The following STAM2 variants were observed in gnomAD, a reference collection of about 807,000 sequenced individuals.
STAM2 encodes the protein signal transducing adapter molecule 2.
In STAM2, 51 loss-of-function variants were observed where a neutral mutation model predicts 65.6. That is an observed-to-expected ratio of 0.78 (90% CI 0.62 to 0.98). The LOEUF (loss-of-function observed/expected upper bound fraction) is 0.98, where lower values mean the gene tolerates loss of function less well. STAM2 is among the 50% of genes least tolerant of loss of function. The pLI is 0.00. For missense variants in STAM2, 584 were observed against 617.8 expected (o/e 0.95, Z 0.58); for synonymous variants, 198 against 208.4 (o/e 0.95, Z 0.43).
At chr2:152,128,502 C>T (rs995430576) in intron 11 of STAM2, among the ~76,000 whole-genome samples, 2 of 151,834 alleles carry the variant, frequency 1.3e-5, no homozygotes, top group East Asian at 1.9e-4. Context: ...AAAATGTAAC[C>T]GTAGGAATTT....
At chr2:152,121,374 C>T (rs923134303) in intron 13 of STAM2, among the ~76,000 whole-genome samples, 1 of 152,166 alleles carries the variant, frequency 6.6e-6, no homozygotes, top group African/African-American at 2.4e-5. Flanking sequence ...TCCAGAATCT[C>T]TAACTAAAAA....
intron 1 of STAM2, among the ~76,000 whole-genome samples, chr2:152,155,834 T>C (rs1689532317): frequency 6.6e-6 from 1 of 152,250 alleles, no homozygotes; most frequent in Non-Finnish European, 1.5e-5. Flanking sequence ...GAACTTCATT[T>C]AGTGTATCTG....
At chr2:152,123,407 C>A (rs1688898140) in intron 13 of STAM2, among the ~76,000 whole-genome samples, 1 of 152,052 alleles carries the variant, frequency 6.6e-6, no homozygotes, top group East Asian at 1.9e-4. Flanking sequence ...ACTACAAATT[C>A]CACAGTTCAA....
Position 152,150,149 on chromosome 2 carries a change from T to C in STAM2, c.121A>G (p.Asn41Asp), listed in dbSNP as rs770379681. 9.3e-6 allele frequency: 15 copies of C among 1,606,508 alleles called. No homozygotes were observed. Among genetic ancestry groups the C allele is most frequent in the Admixed American group, 5.0e-5 (3 of 59,960 alleles). The change falls in exon 2 of 14, where the codon AAT (asparagine) becomes GAT (aspartate). Residue 41 changes from asparagine to aspartate, a missense_variant. Coordinates refer to ENST00000263904, the MANE Select transcript of STAM2 (RefSeq NM_005843.6). ...DICDKVGSTPNGAKDCLKAIM... is the reference protein window; with the variant it reads ...DICDKVGSTPDGAKDCLKAIM... ...GAGCATGACTGGACATCTTACCCAT[T>C]AGGAGTACTTCCAACTTTGTCACAT...
rs1227784175 is a variant in STAM2, at chr2:152,133,348, T to C, written c.882+54A>G. 1.9e-5 allele frequency: 29 copies of C among 1,541,324 alleles called. No homozygotes were observed. In the East Asian group the frequency reaches 5.6e-4, roughly 30 times the overall value. ...TACTCTTTCCAAGCATTCTCAAAGA[T>C]AGTACATTTAAATGTCTTGATAGTT... On this transcript the variant is annotated intron_variant, in intron 9 of 13. Transcript: ENST00000263904.
intron 8 of STAM2, 129 bp from the exon 9 acceptor site, chr2:152,133,613 A>C: frequency 1.5e-6 from 1 of 654,136 alleles, no homozygotes; most frequent in Non-Finnish European, 2.6e-6. Context: ...ACCACATTTT[A>C]TAATCAATAT....
intron 1 of STAM2, among the ~76,000 whole-genome samples, chr2:152,154,496 T>C (rs1315787391): frequency 6.6e-6 from 1 of 152,158 alleles, no homozygotes; most frequent in Non-Finnish European, 1.5e-5. Flanking sequence ...CACGCGCCTG[T>C]AGTCCCAGCT....
rs779336557 is a variant in STAM2 at position 152,175,591 on chromosome 2, C to T, written c.40+12G>A. The T allele has an allele frequency of 1.3e-5, 21 of 1,613,962 alleles. No individual in the cohort carries two copies. Among genetic ancestry groups the T allele is most frequent in the Non-Finnish European group, 1.6e-5 (19 of 1,179,974 alleles). ...AGGCACACAGCAGTCCAGGACCGGG[C>T]ACAGCACTCACCCACGTCTTGCTCG... On this transcript the variant is annotated intron_variant, in intron 1 of 13. Transcript: ENST00000263904.
In STAM2 at chr2:152,165,144, G is replaced by A. The variant is rs923120673; in HGVS notation, c.40+10459C>T. Among the ~76,000 whole-genome samples the A allele has an allele frequency of 9.9e-5, 15 of 152,186 alleles. No homozygotes were observed. In the South Asian group the frequency reaches 2.5e-3, roughly 25 times the overall value. ...GGCTGGGATAAAGGAAAAATGAGTC[G>A]GTCGGGCGCGGTGGCTCATGCCTGC... On this transcript the variant is annotated intron_variant, in intron 1 of 13. Transcript: ENST00000263904.
At chr2:152,153,805 C>T (rs1324546142) in intron 1 of STAM2, among the ~76,000 whole-genome samples, 1 of 151,778 alleles carries the variant, frequency 6.6e-6, no homozygotes, top group Non-Finnish European at 1.5e-5. Flanking sequence ...GAAGTACAGA[C>T]AAGGAAAAAC....
intron 1 of STAM2, 91 bp from the exon 2 acceptor site, chr2:152,150,320 CT>C: frequency 1.3e-6 from 1 of 792,724 alleles, no homozygotes; most frequent in Non-Finnish European, 2.0e-6. Flanking sequence ...GAAATCCTAC[CT>C]TTTCTATTGC....
chr2:152,149,083 CT>C (rs1187494969), intron 2 of STAM2, among the ~76,000 whole-genome samples: 1 of 152,140 alleles, frequency 6.6e-6, no homozygotes, highest in East Asian at 1.9e-4. Flanking sequence ...CCCAAAAGCA[CT>C]TTTTTATATT....
chr2:152,122,164 G>A (rs1016486264), intron 13 of STAM2, among the ~76,000 whole-genome samples: 1 of 151,598 alleles, frequency 6.6e-6, no homozygotes, highest in African/African-American at 2.4e-5. Context: ...GGAGGCTTAT[G>A]GCTTTAATCC....
chr2:152,139,870 T>C (rs1195072111), intron 7 of STAM2, among the ~76,000 whole-genome samples: 2 of 152,108 alleles, frequency 1.3e-5, no homozygotes, highest in Non-Finnish European at 2.9e-5. Context: ...ATACAATATA[T>C]TGTATTTAAA....
At chr2:152,155,003 G>A (rs972410083) in intron 1 of STAM2, among the ~76,000 whole-genome samples, 7 of 152,110 alleles carry the variant, frequency 4.6e-5, no homozygotes, top group African/African-American at 1.7e-4. Context: ...TAGGAAGGCA[G>A]GATTTTGTGC....
rs986121047 is a variant in STAM2, at chr2:152,130,692, T to TA, written c.1025+1421dup. 1.0e-2 allele frequency among the ~76,000 whole-genome samples: 1,405 copies of TA among 140,956 alleles called. 20 individuals are homozygous for TA. Among genetic ancestry groups the TA allele is most frequent in the African/African-American group, 0.03 (1,150 of 38,640 alleles). 92.5% of individuals were successfully genotyped at this position (140,956 alleles called of 152,430 possible). A position where few individuals can be genotyped will look rare whatever the true frequency, so the allele number is the denominator to read the frequency against. On this transcript the variant is annotated intron_variant, in intron 11 of 13. Transcript: ENST00000263904. Reference sequence around the variant, plus strand: ...GGGCAGCACAGCAAGACCCTGTCTTTAAAAAAAAAAAAAGCTGGGCATAAG... The same window carrying TA: ...GGGCAGCACAGCAAGACCCTGTCTTTAAAAAAAAAAAAAAGCTGGGCATAAG...
chr2:152,171,767 T>C (rs1689902669), intron 1 of STAM2, among the ~76,000 whole-genome samples: 1 of 152,258 alleles, frequency 6.6e-6, no homozygotes. Flanking sequence ...AGCTCAGCTT[T>C]GTGGGACACA....
rs1689296696 is a variant in STAM2, at chr2:152,144,005, A to C, written c.526T>G (p.Leu176Val). ...TGCTGTTTCTGTTCTTGCAGCGATA[A>C]TTCAATAGCTAGTTTCAAAAATTAA... is the stretch of plus-strand genomic sequence containing the variant. ...EDEDIAKAIE[L>V]SLQEQKQQHT... The change falls in exon 7 of 14, where the codon TTA becomes GTA. Residue 176 changes from leucine to valine, a missense_variant. Physicochemically the swap from Leu to Val is conservative, Grantham distance 32. Coordinates refer to ENST00000263904, the MANE Select transcript of STAM2 (RefSeq NM_005843.6). 2 of 1,605,386 alleles carry C rather than the reference A, an allele frequency of 1.2e-6. No homozygotes were observed. Among genetic ancestry groups the C allele is most frequent in the African/African-American group, 2.7e-5 (2 of 74,350 alleles).
At chr2:152,173,490 G>A (rs1157357903) in intron 1 of STAM2, among the ~76,000 whole-genome samples, 1 of 151,222 alleles carries the variant, frequency 6.6e-6, no homozygotes, top group Admixed American at 6.6e-5. Context: ...TCCGCCTCCC[G>A]GGTTCAAGTG....
Sources: allele counts gnomAD v4.1 joint callset (sites outside exome capture counted in the v4.1 genomes callset), GRCh38; gene constraint gnomAD v4.1.1; transcripts MANE v1.5; gene names NCBI Gene and HGNC (gene_info 2026-07-23, HGNC 2026-07-21).